NF1: variants seen among roughly 807,000 people sequenced by gnomAD.
NF1 encodes neurofibromin.
A neutral mutation model predicts 325.7 loss-of-function variants in NF1; 122 were observed. That is an observed-to-expected ratio of 0.37 (90% CI 0.32 to 0.44). NF1 has a LOEUF of 0.44. Ranked by LOEUF, NF1 falls within the 20% of genes least tolerant of loss-of-function variation. The pLI, the probability that NF1 is intolerant of heterozygous loss-of-function variation, is 1.00. For synonymous variants in NF1, 1,091 were observed against 1,186.0 expected (o/e 0.92, Z 1.65); for missense variants, 2,140 against 3,415.4 (o/e 0.63, Z 9.31).
chr17:31,265,557 T>C (rs1405242740), intron 36 of NF1, among the ~76,000 whole-genome samples: 1 of 151,774 alleles, frequency 6.6e-6, no homozygotes, highest in African/African-American at 2.4e-5. Context: ...GCTTACTCTG[T>C]CCTACATCAT....
rs17884436 is a variant in NF1 at position 31,328,087 on chromosome 17, AT to A, written c.5609+257del. Among the ~76,000 whole-genome samples, 5 of 151,804 alleles carry A rather than the reference AT, an allele frequency of 3.3e-5. No homozygotes were observed. In the East Asian group the frequency reaches 7.7e-4, roughly 23 times the overall value. On this transcript the variant is annotated intron_variant, in intron 38 of 57. Transcript: ENST00000358273. ...CATGTAAAACAACACGACATAGCAG[AT>A]TTTTTTTTCCAAAGTATCCTAAATT...
chr17:31,205,287 A>T (rs949077844), intron 11 of NF1, among the ~76,000 whole-genome samples: 1 of 152,118 alleles, frequency 6.6e-6, no homozygotes, highest in Non-Finnish European at 1.5e-5. Flanking sequence ...AGGCTATTCA[A>T]TCCCTCTTAT....
chr17:31,208,859 C>G (rs1225358232), intron 12 of NF1, among the ~76,000 whole-genome samples: 3 of 151,980 alleles, frequency 2.0e-5, no homozygotes, highest in African/African-American at 7.3e-5. Context: ...CCATTGCACC[C>G]CAGTGTGGAC....
chr17:31,295,210 G>A lies in NF1; in HGVS notation c.4835+29871G>A, dbSNP rs750933575. ...TGATACTTAGGGTCATGGGTGTTGG[G>A]GATGATTTTGTTGAGCTAGTGAGGC... is the stretch of plus-strand genomic sequence containing the variant. On this transcript the variant is annotated intron_variant, in intron 36 of 57. Transcript: ENST00000358273. 8.7e-6 allele frequency: 14 copies of A among 1,613,992 alleles called. 1 individual carries two copies. The South Asian group carries it at 1.4e-4, about 16-fold the overall frequency.
intron 27 of NF1, among the ~76,000 whole-genome samples, chr17:31,234,444 C>T (rs873846): frequency 2.2e-3 from 336 of 151,854 alleles, no homozygotes; most frequent in African/African-American, 7.6e-3. Flanking sequence ...GAGGCTGAGG[C>T]GGGAGGATCA....
chr17:31,144,563 T>G (rs536167348), intron 1 of NF1, among the ~76,000 whole-genome samples: 1 of 152,314 alleles, frequency 6.6e-6, no homozygotes, highest in South Asian at 2.1e-4. Context: ...GGAGAATCCC[T>G]TCCATTATGG....
intron 1 of NF1, among the ~76,000 whole-genome samples, chr17:31,101,602 G>C (rs1369929433): frequency 2.6e-5 from 4 of 152,186 alleles, no homozygotes; most frequent in Admixed American, 1.3e-4. Context: ...TGTGTATCAT[G>C]CTTCTTCCCA....
At chr17:31,260,547 A>C in intron 34 of NF1, 32 bp downstream of exon 34, 1 of 1,611,806 alleles carries the variant, frequency 6.2e-7, no homozygotes, top group Non-Finnish European at 8.5e-7. Flanking sequence ...GATAGTGAAC[A>C]CTCTCCGTTT....
chr17:31,249,031 A>G lies in NF1; in HGVS notation c.4022A>G (p.Gln1341Arg), dbSNP rs1555617325. 6.2e-7 allele frequency: 1 copy of G among 1,614,150 alleles called. No homozygotes were observed. Among genetic ancestry groups the G allele is most frequent in the Non-Finnish European group, 8.5e-7 (1 of 1,179,988 alleles). Residue 1341 changes from glutamine to arginine, a missense_variant, in exon 30 of 58, where the codon CAG (glutamine) becomes CGG (arginine). By Grantham distance (43) the Gln-to-Arg change is conservative. Around this residue, in one of 10 missense-constraint regions of NF1, gnomAD observed 336 missense variants for 399.0 expected, o/e 0.84. Transcript: ENST00000358273. ...GAGGAAAACCAGCGGAACCTCCTTC[A>G]GATGACTGAAAAGTTCTTCCATGCC... ...SLEENQRNLL[Q>R]MTEKFFHAII...
intron 15 of NF1, 52 bp from the exon 16 acceptor site, chr17:31,223,392 C>A (rs910858304): frequency 1.9e-6 from 3 of 1,599,518 alleles, no homozygotes; most frequent in Non-Finnish European, 2.6e-6. Flanking sequence ...CTGGTTATAT[C>A]TGCATTAGGT....
At chr17:31,273,885 C>T (rs2067951983) in intron 36 of NF1, among the ~76,000 whole-genome samples, 1 of 152,124 alleles carries the variant, frequency 6.6e-6, no homozygotes, top group East Asian at 1.9e-4. Context: ...TGAATTGCTT[C>T]ACTGGATTGA....
At chr17:31,332,961 G>A (rs916827696) in intron 39 of NF1, among the ~76,000 whole-genome samples, 6 of 152,042 alleles carry the variant, frequency 3.9e-5, no homozygotes, top group Non-Finnish European at 8.8e-5. Flanking sequence ...AAAGAAAAAA[G>A]CCAGGCACCA....
chr17:31,111,163 A>G (rs1403269857), intron 1 of NF1, among the ~76,000 whole-genome samples: 1 of 152,024 alleles, frequency 6.6e-6, no homozygotes, highest in African/African-American at 2.4e-5. Context: ...GCAGAAGGCA[A>G]GACTAGAGAG....
At chr17:31,270,280 C>T (rs2067867661) in intron 36 of NF1, among the ~76,000 whole-genome samples, 1 of 152,162 alleles carries the variant, frequency 6.6e-6, no homozygotes, top group South Asian at 2.1e-4. Context: ...TTGCCAGGAG[C>T]ATATATTGTT....
chr17:31,267,439 C>T (rs1295725819), intron 36 of NF1, among the ~76,000 whole-genome samples: 1 of 151,964 alleles, frequency 6.6e-6, no homozygotes, highest in Non-Finnish European at 1.5e-5. Flanking sequence ...GATTTTCAAT[C>T]CTTTTAGTTT....
chr17:31,249,916 G>T (rs1357895985), intron 30 of NF1: 1 of 484,154 alleles, frequency 2.1e-6, no homozygotes, highest in East Asian at 5.0e-5. Context: ...GAAATACACA[G>T]TTATCAAAAC....
In NF1 at chr17:31,243,184, C is replaced by CTGTGTGTGTG. The variant is rs377472053; in HGVS notation, c.3975-5780_3975-5771dup. On this transcript the variant is annotated intron_variant, in intron 29 of 57. Coordinates refer to ENST00000358273, the MANE Select transcript of NF1 (RefSeq NM_001042492.3). ...AAACAGAGTCAGTCTCTCTCTCTGT[C>CTGTGTGTGTG]TGTGTGTGTGTGTGTGTGTGTGTGT... 6.1e-3 allele frequency among the ~76,000 whole-genome samples: 842 copies of CTGTGTGTGTG among 137,556 alleles called. 14 individuals carry two copies. The highest frequency in any genetic ancestry group is 0.022 in the African/African-American group (744 of 33,702). The allele number at this position is 137,556 out of a possible 152,430, so 90.2% of individuals were successfully genotyped here.
intron 3 of NF1, among the ~76,000 whole-genome samples, chr17:31,162,727 G>A (rs1391758275): frequency 6.6e-6 from 1 of 152,200 alleles, no homozygotes; most frequent in Non-Finnish European, 1.5e-5. Flanking sequence ...ATTACTTTGA[G>A]TAGGTAGTGT....
chr17:31,345,400 G>A, intron 48 of NF1: 1 of 1,228,362 alleles, frequency 8.1e-7, no homozygotes, highest in Non-Finnish European at 1.1e-6. Flanking sequence ...GGCGGCCGGC[G>A]AGTCCCAGTG....
Sources: allele counts gnomAD v4.1 joint callset (sites outside exome capture counted in the v4.1 genomes callset), GRCh38; gene constraint gnomAD v4.1.1; regional missense constraint gnomAD v4.1.1; transcripts MANE v1.5; gene names NCBI Gene and HGNC (gene_info 2026-07-23, HGNC 2026-07-21).